KCNK2: variants seen among roughly 807,000 people sequenced by gnomAD.
KCNK2 encodes the protein potassium channel subfamily K member 2.
Under a neutral mutation model 40.5 loss-of-function variants are expected in KCNK2, and 21 were observed. That is an observed-to-expected ratio of 0.52 (90% CI 0.37 to 0.75). The LOEUF (loss-of-function observed/expected upper bound fraction) is 0.75. Ranked by LOEUF, KCNK2 falls within the 30% of genes least tolerant of loss-of-function variation. The pLI, the probability that KCNK2 is intolerant of heterozygous loss-of-function variation, is 0.00. For missense variants in KCNK2, 399 were observed against 531.6 expected, an observed-to-expected ratio of 0.75 and a Z score of 2.45; for synonymous variants, 191 against 202.2, an observed-to-expected ratio of 0.94 and a Z score of 0.47.
intron 1 of KCNK2, among the ~76,000 whole-genome samples, chr1:215,067,033 G>C (rs1658572407): frequency 6.6e-6 from 1 of 152,126 alleles, no homozygotes; most frequent in Admixed American, 6.6e-5. Context: ...CCAGGAGAGT[G>C]GTTATTTTGT....
intron 1 of KCNK2, among the ~76,000 whole-genome samples, chr1:215,007,037 A>ATATATATGTGTGGTG (rs1330420661): frequency 1.9e-5 from 1 of 51,604 alleles, no homozygotes. Context: ...ATATATATAT[A>ATATATATGTGTGGTG]TGTGTGTGTG....
intron 3 of KCNK2, among the ~76,000 whole-genome samples, chr1:215,125,544 C>T (rs1661379370): frequency 6.6e-6 from 1 of 151,580 alleles, no homozygotes; most frequent in Non-Finnish European, 1.5e-5. Flanking sequence ...TGAATGAGAA[C>T]ACTTGGACAC....
chr1:215,017,733 A>G (rs1449091414), intron 1 of KCNK2, among the ~76,000 whole-genome samples: 2 of 152,174 alleles, frequency 1.3e-5, no homozygotes, highest in Non-Finnish European at 2.9e-5. Flanking sequence ...TTGTGTTCTC[A>G]CCACAAAACA....
intron 3 of KCNK2, among the ~76,000 whole-genome samples, chr1:215,153,656 T>G (rs1037343474): frequency 6.6e-6 from 1 of 152,062 alleles, no homozygotes; most frequent in Non-Finnish European, 1.5e-5. Flanking sequence ...CCGGGATACG[T>G]GTGCAGAACG....
intron 1 of KCNK2, among the ~76,000 whole-genome samples, chr1:215,071,946 GC>G (rs976362893): frequency 6.6e-6 from 1 of 152,136 alleles, no homozygotes; most frequent in African/African-American, 2.4e-5. Context: ...GTTAGATCTT[GC>G]CTTTGTCTAT....
At chr1:215,220,458 A>C (rs1171221499) in intron 6 of KCNK2, among the ~76,000 whole-genome samples, 1 of 151,720 alleles carries the variant, frequency 6.6e-6, no homozygotes, top group Non-Finnish European at 1.5e-5. Flanking sequence ...CCCATCTCAG[A>C]CTCTGAAACC....
At chr1:215,108,565 T>C (rs1558094655) in intron 2 of KCNK2, among the ~76,000 whole-genome samples, 1 of 152,252 alleles carries the variant, frequency 6.6e-6, no homozygotes, top group East Asian at 1.9e-4. Context: ...GCTTTTGGGG[T>C]CATATCCATG....
At chr1:215,208,851 G>A (rs1386772191) in intron 6 of KCNK2, among the ~76,000 whole-genome samples, 2 of 151,794 alleles carry the variant, frequency 1.3e-5, no homozygotes, top group Non-Finnish European at 2.9e-5. Context: ...GTTTTGAGAT[G>A]GAGTCTCGTT....
In KCNK2 at chr1:215,095,583, T is replaced by C. The variant is rs1183603510; in HGVS notation, c.357+8905T>C. ...AACGTTAAAATTGCAGAGCTTCTAT[T>C]CAGGTGACTCTAACGCTTCTTTCCA... On this transcript the variant is annotated intron_variant, in intron 2 of 6. Transcript: ENST00000444842. 2.6e-5 allele frequency among the ~76,000 whole-genome samples: 4 copies of C among 152,062 alleles called. No homozygotes were observed. The East Asian group carries it at 7.7e-4, about 29-fold the overall frequency.
intron 6 of KCNK2, among the ~76,000 whole-genome samples, chr1:215,209,424 T>TATATTATATATATAAA (rs1558140054): frequency 1.8e-5 from 1 of 54,884 alleles, no homozygotes; most frequent in Non-Finnish European, 2.9e-5. Context: ...TTATATATAA[T>TATATTATATATATAAA]ATATATAATA....
intron 6 of KCNK2, among the ~76,000 whole-genome samples, chr1:215,208,171 A>C (rs1283861849): frequency 3.3e-5 from 5 of 152,174 alleles, no homozygotes; most frequent in African/African-American, 1.2e-4. Flanking sequence ...AGAATACTAC[A>C]CAGCCATAAA....
chr1:215,222,336 T>C (rs549700897), intron 6 of KCNK2, among the ~76,000 whole-genome samples: 76 of 152,308 alleles, frequency 5.0e-4, no homozygotes, highest in Non-Finnish European at 5.9e-5. Context: ...GTGAAGAGAA[T>C]TTCAAGGATG....
intron 1 of KCNK2, among the ~76,000 whole-genome samples, chr1:215,044,826 T>TGTGTGTGTGTGCGC (rs142895602): frequency 2.1e-5 from 3 of 140,588 alleles, no homozygotes; most frequent in Admixed American, 6.9e-5. Context: ...TGTGTGTGTG[T>TGTGTGTGTGTGCGC]GCGCGCGCAC....
chr1:215,032,249 A>T (rs1424805854), intron 1 of KCNK2, among the ~76,000 whole-genome samples: 1 of 151,924 alleles, frequency 6.6e-6, no homozygotes, highest in Admixed American at 6.6e-5. Context: ...GTCTACAAAA[A>T]ATGTTTTAAA....
intron 6 of KCNK2, among the ~76,000 whole-genome samples, chr1:215,199,121 A>G (rs1326122103): frequency 1.3e-5 from 2 of 151,998 alleles, no homozygotes; most frequent in Non-Finnish European, 2.9e-5. Context: ...CAGCCTGGCA[A>G]ATATGGTGAA....
At position 215,082,915 on chromosome 1, in the gene KCNK2, G is replaced by T. The variant is rs1210256814; in HGVS notation, c.-471G>T. On this transcript the variant is annotated 5_prime_UTR_variant, in exon 1 of 7. Coordinates refer to ENST00000444842, the MANE Select transcript of KCNK2 (RefSeq NM_001017425.3). ...AACGAGGCTCGCGCACAAAGACGCCGGGGCGCACGGCAGCTGGGGCTGCAC... is the reference window on the plus strand; with the variant it reads ...AACGAGGCTCGCGCACAAAGACGCCTGGGCGCACGGCAGCTGGGGCTGCAC... 2.6e-5 allele frequency among the ~76,000 whole-genome samples: 4 copies of T among 151,080 alleles called. No homozygotes were observed. The highest frequency in any genetic ancestry group is 4.8e-5 in the African/African-American group (2 of 41,414).
At position 215,074,804 on chromosome 1, in the gene KCNK2, A is replaced by T. The variant is rs183062872; in HGVS notation, c.35-11564A>T. 1.3e-4 allele frequency among the ~76,000 whole-genome samples: 20 copies of T among 152,304 alleles called. No individual in the cohort carries two copies. The East Asian group carries it at 2.3e-3, about 18-fold the overall frequency. On this transcript the variant is annotated intron_variant, in intron 1 of 6. Transcript: ENST00000391895. ...CAGAGGTAAGAAACGTTGAAGTCTAAATATGCTGTGTTCATTTCCTAGTGA... is the reference window on the plus strand; with the variant it reads ...CAGAGGTAAGAAACGTTGAAGTCTATATATGCTGTGTTCATTTCCTAGTGA...
At chr1:215,187,408 G>A (rs1664485439) in intron 5 of KCNK2, among the ~76,000 whole-genome samples, 1 of 151,992 alleles carries the variant, frequency 6.6e-6, no homozygotes, top group East Asian at 1.9e-4. Context: ...GTTAAGTCAT[G>A]CTTGCCTTCC....
intron 6 of KCNK2, among the ~76,000 whole-genome samples, chr1:215,234,310 T>C (rs531760301): frequency 2.0e-5 from 3 of 152,346 alleles, no homozygotes; most frequent in African/African-American, 7.2e-5. Flanking sequence ...ACACCTTTTC[T>C]GATCTCTGAA....
Sources: gnomAD v4.1 joint callset for allele counts (sites outside exome capture counted in the v4.1 genomes callset) on GRCh38, gnomAD v4.1.1 for gene constraint, MANE v1.5 for transcripts, NCBI Gene and HGNC (gene_info 2026-07-23, HGNC 2026-07-21) for gene names.